The following GNA12 variants were observed in gnomAD, a reference collection of about 807,000 sequenced individuals.
GNA12 encodes the protein guanine nucleotide-binding protein subunit alpha-12.
Under a neutral mutation model 26.0 loss-of-function variants are expected in GNA12, and 9 were observed. The observed-to-expected ratio is 0.35, with a 90% CI of 0.21 to 0.60. The LOEUF (loss-of-function observed/expected upper bound fraction) is 0.60. Among genes scored for constraint, GNA12 ranks in the 20% least tolerant of loss-of-function variants. GNA12 has a pLI of 0.78. For missense variants in GNA12, 405 were observed against 525.8 expected, an observed-to-expected ratio of 0.77 and a Z score of 2.25; for synonymous variants, 264 against 219.6, an observed-to-expected ratio of 1.20 and a Z score of -1.79.
At chr7:2,756,765 T>C (rs968937336) in intron 2 of GNA12, among the ~76,000 whole-genome samples, 5 of 152,270 alleles carry the variant, frequency 3.3e-5, no homozygotes, top group African/African-American at 1.2e-4. Flanking sequence ...TGATGGAACA[T>C]CACTTTTGTG....
At chr7:2,837,613 G>C (rs1013258806) in intron 1 of GNA12, among the ~76,000 whole-genome samples, 1 of 152,178 alleles carries the variant, frequency 6.6e-6, no homozygotes, top group African/African-American at 2.4e-5. Flanking sequence ...TGAACTCGGA[G>C]AGGAGACCAA....
At position 2,789,139 on chromosome 7, in the gene GNA12, T is replaced by TCTGGAAAAACAGCAACTCAGATCTGTGA. The variant is rs1390630755; in HGVS notation, c.525+5788_525+5789insTCACAGATCTGAGTTGCTGTTTTTCCAG. On this transcript the variant is annotated intron_variant, in intron 2 of 3. Coordinates refer to ENST00000275364, the MANE Select transcript of GNA12 (RefSeq NM_007353.3). ...CCGGACCCCTTCAGGCATCTTTTTT[T>TCTGGAAAAACAGCAACTCAGATCTGTGA]TTTTTTTTTTTTTTGAGACGGAGTC... Among the ~76,000 whole-genome samples, 44 of 107,700 alleles carry TCTGGAAAAACAGCAACTCAGATCTGTGA rather than the reference T, an allele frequency of 4.1e-4. 2 individuals are homozygous for TCTGGAAAAACAGCAACTCAGATCTGTGA. Among genetic ancestry groups the TCTGGAAAAACAGCAACTCAGATCTGTGA allele is most frequent in the African/African-American group, 9.0e-4 (25 of 27,902 alleles). 70.7% of individuals were successfully genotyped at this position (107,700 alleles called of 152,430 possible).
At chr7:2,754,238 G>C (rs1397894936) in intron 2 of GNA12, among the ~76,000 whole-genome samples, 2 of 152,204 alleles carry the variant, frequency 1.3e-5, no homozygotes, top group African/African-American at 4.8e-5. Context: ...AATGGCTGGA[G>C]AGGCTGGATG....
At chr7:2,752,299 T>TA (rs1035730088) in intron 2 of GNA12, among the ~76,000 whole-genome samples, 25 of 152,186 alleles carry the variant, frequency 1.6e-4, no homozygotes, top group African/African-American at 5.5e-4. Context: ...CTCAGTTTGA[T>TA]AAAGGGCATC....
chr7:2,818,594 C>A (rs1793268842), intron 1 of GNA12, among the ~76,000 whole-genome samples: 1 of 152,130 alleles, frequency 6.6e-6, no homozygotes, highest in Non-Finnish European at 1.5e-5. Context: ...GAAACCCCGA[C>A]TCTAATAAAA....
At position 2,814,313 on chromosome 7, in the gene GNA12, C is replaced by A. The variant is rs1297527295; in HGVS notation, c.310-19170G>T. 3.2e-6 allele frequency: 5 copies of A among 1,550,748 alleles called. No individual in the cohort carries two copies. In the Admixed American group the frequency reaches 6.7e-5, roughly 21 times the overall value. On this transcript the variant is annotated intron_variant, in intron 1 of 3. Coordinates refer to ENST00000275364, the MANE Select transcript of GNA12 (RefSeq NM_007353.3). ...GGAGTTGAACGGAGTGAGACTCACCCTGGACCCAGGGTGTGCAATGAGTAG... is the reference window on the plus strand; with the variant it reads ...GGAGTTGAACGGAGTGAGACTCACCATGGACCCAGGGTGTGCAATGAGTAG...
chr7:2,765,907 G>C (rs2115412843), intron 2 of GNA12, among the ~76,000 whole-genome samples: 1 of 145,670 alleles, frequency 6.9e-6, no homozygotes, highest in South Asian at 2.1e-4. Flanking sequence ...TTTCCAAAGT[G>C]CTGGGATTAC....
At chr7:2,754,025 G>C (rs1010020269) in intron 2 of GNA12, among the ~76,000 whole-genome samples, 1 of 152,144 alleles carries the variant, frequency 6.6e-6, no homozygotes, top group African/African-American at 2.4e-5. Context: ...AAACCCTTAA[G>C]TTCAGCGTTA....
Position 2,731,611 on chromosome 7 carries a change from A to C in GNA12, c.716T>G (p.Phe239Cys). 5.0e-6 allele frequency: 8 copies of C among 1,613,914 alleles called. No individual in the cohort carries two copies. The highest frequency in any genetic ancestry group is 6.8e-6 in the Non-Finnish European group (8 of 1,179,936). The change falls in exon 4 of 4, where the codon TTC becomes TGC. Residue 239 changes from phenylalanine to cysteine, a missense_variant. Physicochemically the swap from Phe to Cys is radical, Grantham distance 205 (BLOSUM62 -2). Transcript: ENST00000275364. The surrounding 1 kb of genome is among the most constrained non-coding windows in gnomAD (Gnocchi z 6.0). Reference protein sequence around the residue: ...GGQRSQRQKWFQCFDGITSIL... With the variant: ...GGQRSQRQKWCQCFDGITSIL... ...GGACGTGATCCCGTCGAAGCACTGGAACCACTTCTGGCGCTGGGACCGCTG... is the reference window on the plus strand; with the variant it reads ...GGACGTGATCCCGTCGAAGCACTGGCACCACTTCTGGCGCTGGGACCGCTG...
At chr7:2,794,792 TG>T in intron 2 of GNA12, 135 bp downstream of exon 2, 1 of 680,194 alleles carries the variant, frequency 1.5e-6, no homozygotes, top group Admixed American at 2.6e-5. Context: ...TTTTGGTTGT[TG>T]ATCATTACAA....
intron 2 of GNA12, among the ~76,000 whole-genome samples, chr7:2,740,711 A>G (rs146029050): frequency 5.9e-5 from 9 of 152,166 alleles, no homozygotes; most frequent in South Asian, 4.1e-4. Flanking sequence ...CAGTTTCATA[A>G]GATGTTTAAT....
At chr7:2,780,464 G>A (rs1375023990) in intron 2 of GNA12, among the ~76,000 whole-genome samples, 2 of 152,046 alleles carry the variant, frequency 1.3e-5, no homozygotes, top group Non-Finnish European at 2.9e-5. Context: ...TCAACAAATG[G>A]ACTGCAACCA....
chr7:2,798,310 A>C (rs1305459463), intron 1 of GNA12, among the ~76,000 whole-genome samples: 1 of 149,336 alleles, frequency 6.7e-6, no homozygotes, highest in African/African-American at 2.6e-5. Flanking sequence ...AAAAACTCCT[A>C]GAATAAACAA....
chr7:2,812,942 T>A (rs142046311), intron 1 of GNA12, among the ~76,000 whole-genome samples: 1 of 152,234 alleles, frequency 6.6e-6, no homozygotes, highest in East Asian at 1.9e-4. Context: ...TTTCAAACTT[T>A]AAAAAAAATT....
At chr7:2,804,655 A>G (rs185510317) in intron 1 of GNA12, among the ~76,000 whole-genome samples, 31 of 152,344 alleles carry the variant, frequency 2.0e-4, no homozygotes, top group Non-Finnish European at 3.8e-4. Context: ...CAGTGTCACT[A>G]GGTTGGTTTT....
At chr7:2,833,239 C>G (rs1778732766) in intron 1 of GNA12, among the ~76,000 whole-genome samples, 1 of 152,182 alleles carries the variant, frequency 6.6e-6, no homozygotes, top group South Asian at 2.1e-4. Flanking sequence ...TCAGGTGATG[C>G]AAGTTAAGCC....
At chr7:2,761,056 G>A (rs1329677363) in intron 2 of GNA12, among the ~76,000 whole-genome samples, 2 of 152,180 alleles carry the variant, frequency 1.3e-5, no homozygotes, top group African/African-American at 2.4e-5. Flanking sequence ...ACATGTAAAC[G>A]GAGTCAGGAA....
intron 2 of GNA12, among the ~76,000 whole-genome samples, chr7:2,778,603 C>T (rs1455453767): frequency 5.3e-5 from 8 of 152,158 alleles, no homozygotes; most frequent in Admixed American, 1.3e-4. Flanking sequence ...GGAAGAAAAT[C>T]GTTCCTCCTA....
chr7:2,831,016 C>G (rs1562449235), intron 1 of GNA12, among the ~76,000 whole-genome samples: 3 of 152,040 alleles, frequency 2.0e-5, no homozygotes, highest in African/African-American at 4.8e-5. Flanking sequence ...TCATTCCTTC[C>G]AGGCCATCTT....
Sources: gnomAD v4.1 joint callset for allele counts (sites outside exome capture counted in the v4.1 genomes callset) on GRCh38, gnomAD v4.1.1 for gene constraint, Gnocchi (gnomAD v3.1) non-coding constraint, MANE v1.5 for transcripts, NCBI Gene and HGNC (gene_info 2026-07-23, HGNC 2026-07-21) for gene names.